Variants in SGCD observed in about 807,000 individuals in gnomAD.
SGCD encodes delta-sarcoglycan.
Under a neutral mutation model 36.6 loss-of-function variants are expected in SGCD, and 18 were observed. The ratio of observed to expected loss-of-function variants is 0.49; its 90% CI spans 0.34 to 0.73. The LOEUF (loss-of-function observed/expected upper bound fraction) is 0.73. Among genes scored for constraint, SGCD ranks in the 30% least tolerant of loss-of-function variants. The pLI, the probability that SGCD is intolerant of heterozygous loss-of-function variation, is 0.01. For synonymous variants in SGCD, 133 were observed against 130.6 expected (o/e 1.02, Z -0.12); for missense variants, 387 against 346.7 (o/e 1.12, Z -0.92).
chr5:156,150,345 A>G (rs1005984655), intron 3 of SGCD, among the ~76,000 whole-genome samples: 4 of 151,594 alleles, frequency 2.6e-5, no homozygotes, highest in Non-Finnish European at 5.9e-5. Context: ...GTTTTAACAG[A>G]CCTTCATTAA....
At position 156,764,153 on chromosome 5, in the gene SGCD, T is replaced by C. The variant is rs1380249653; in HGVS notation, c.*4763T>C. On this transcript the variant is annotated 3_prime_UTR_variant, in exon 9 of 9. Coordinates refer to ENST00000337851, the MANE Select transcript of SGCD (RefSeq NM_000337.6). The stretch of plus-strand genomic sequence containing the variant: ...AGCAGGTTGGGAAAAAGTTATAATA[T>C]AAGAAACAACCTTCGAAAACAGGCC... 1 of 152,458 alleles carries C rather than the reference T, an allele frequency of 6.6e-6. No individual in the cohort carries two copies. The allele number at this position is 152,458 out of a possible 1,614,324, so 9.4% of individuals were successfully genotyped here. A position where few individuals can be genotyped will look rare whatever the true frequency, so the allele number is the denominator to read the frequency against.
At chr5:156,726,315 C>T (rs746895333) in intron 7 of SGCD, among the ~76,000 whole-genome samples, 1 of 152,114 alleles carries the variant, frequency 6.6e-6, no homozygotes, top group Non-Finnish European at 1.5e-5. Flanking sequence ...AAAACCTAAC[C>T]CCTTAGCTTC....
At chr5:156,302,134 A>G (rs868666114) in intron 3 of SGCD, among the ~76,000 whole-genome samples, 1 of 152,116 alleles carries the variant, frequency 6.6e-6, no homozygotes, top group African/African-American at 2.4e-5. Context: ...TGTAAGGCCA[A>G]TAACTCTTAG....
intron 6 of SGCD, among the ~76,000 whole-genome samples, chr5:156,641,248 T>C (rs1283425559): frequency 6.6e-6 from 1 of 152,218 alleles, no homozygotes; most frequent in African/African-American, 2.4e-5. Flanking sequence ...AGAAGACTGG[T>C]TTGTAGGAAA....
At position 156,566,895 on chromosome 5, in the gene SGCD, C is replaced by T. The variant is rs538083755; in HGVS notation, c.295-22336C>T. Among the ~76,000 whole-genome samples the T allele has an allele frequency of 2.0e-5, 3 of 152,182 alleles. No individual in the cohort carries two copies. In the East Asian group the frequency reaches 5.8e-4, roughly 29 times the overall value. ...TGACCTTCTCGTACATAATGCCAAG[C>T]ATTATGATACCTGAAACCATCTTAC... On this transcript the variant is annotated intron_variant, in intron 4 of 8. Coordinates refer to ENST00000337851, the MANE Select transcript of SGCD (RefSeq NM_000337.6).
At chr5:156,320,808 C>A (rs769539610) in intron 3 of SGCD, among the ~76,000 whole-genome samples, 1 of 152,172 alleles carries the variant, frequency 6.6e-6, no homozygotes, top group Non-Finnish European at 1.5e-5. Flanking sequence ...AGCCAAACTT[C>A]CTGGTCCAGA....
At chr5:156,721,161 T>A (rs911338340) in intron 7 of SGCD, among the ~76,000 whole-genome samples, 1 of 152,038 alleles carries the variant, frequency 6.6e-6, no homozygotes, top group African/African-American at 2.4e-5. Flanking sequence ...ATCAGAAGTT[T>A]AGTGTACATG....
intron 7 of SGCD, among the ~76,000 whole-genome samples, chr5:156,709,118 G>A (rs1660464632): frequency 6.6e-6 from 1 of 152,100 alleles, no homozygotes; most frequent in South Asian, 2.1e-4. Flanking sequence ...TGCTTTCTGT[G>A]TCTGATGTTT....
intron 8 of SGCD, chr5:156,757,950 A>G: frequency 1.6e-6 from 2 of 1,265,012 alleles, no homozygotes; most frequent in Non-Finnish European, 2.0e-6. Flanking sequence ...GAATTATATG[A>G]CCATGAAAAT....
chr5:156,729,875 T>G (rs982206219), intron 7 of SGCD, among the ~76,000 whole-genome samples: 1 of 152,168 alleles, frequency 6.6e-6, no homozygotes, highest in Non-Finnish European at 1.5e-5. Flanking sequence ...TTAAAGCCAT[T>G]CCATTTAGTT....
chr5:156,605,207 C>A (rs188436779), intron 6 of SGCD, among the ~76,000 whole-genome samples: 3 of 152,140 alleles, frequency 2.0e-5, no homozygotes, highest in Non-Finnish European at 2.9e-5. Context: ...CCTCTCCCCC[C>A]ACCCAACAAC....
intron 3 of SGCD, among the ~76,000 whole-genome samples, chr5:156,274,582 G>T (rs1374595798): frequency 6.6e-6 from 1 of 152,084 alleles, no homozygotes; most frequent in Non-Finnish European, 1.5e-5. Context: ...AGCCTCTAAT[G>T]TGGCTCCAGA....
chr5:156,313,412 T>G (rs1767441253), intron 3 of SGCD, among the ~76,000 whole-genome samples: 1 of 152,064 alleles, frequency 6.6e-6, no homozygotes, highest in Non-Finnish European at 1.5e-5. Context: ...TCAACATCAT[T>G]TTTTGATTTT....
rs947036183 is a variant in SGCD at position 156,051,437 on chromosome 5, G to C, written c.-281-66441G>C. Among the ~76,000 whole-genome samples the C allele has an allele frequency of 1.6e-4, 24 of 146,192 alleles. 3 individuals carry two copies. Among genetic ancestry groups the C allele is most frequent in the Admixed American group, 4.8e-4 (7 of 14,646 alleles). On this transcript the variant is annotated intron_variant, in intron 1 of 9. Coordinates refer to the SGCD transcript ENST00000517913. ...TATTTGACCACATGGAGAGAGATGG[G>C]AGCTGTCTGCTTTTTGGCAAACTGA...
chr5:155,785,799 A>G, the SGCD span, among the ~76,000 whole-genome samples: 1 of 152,216 alleles, frequency 6.6e-6, no homozygotes, highest in African/African-American at 2.4e-5. Context: ...ATATTTATAT[A>G]TAAAGAGCAA....
intron 7 of SGCD, among the ~76,000 whole-genome samples, chr5:156,657,403 C>A (rs1431620267): frequency 8.0e-5 from 11 of 138,084 alleles, no homozygotes; most frequent in African/African-American, 2.9e-4. Context: ...CCCCTCCCCC[C>A]ACCCCACAGT....
chr5:156,601,942 A>G (rs577265646), intron 6 of SGCD, among the ~76,000 whole-genome samples: 28 of 152,250 alleles, frequency 1.8e-4, no homozygotes, highest in Non-Finnish European at 3.2e-4. Context: ...TGGCCTCCCA[A>G]AGTGCTGGGA....
At chr5:155,971,352 T>C (rs149623658) in intron 1 of SGCD, among the ~76,000 whole-genome samples, 1,573 of 152,246 alleles carry the variant, frequency 0.01, 24 homozygotes, top group African/African-American at 0.035. Context: ...TCATTGTCTT[T>C]TGCAGAATCC....
chr5:156,551,451 G>T (rs1409183694), intron 4 of SGCD, among the ~76,000 whole-genome samples: 1 of 152,070 alleles, frequency 6.6e-6, no homozygotes, highest in Non-Finnish European at 1.5e-5. Context: ...TCACGATCCA[G>T]TACATTATTC....
Sources: gnomAD v4.1 joint callset for allele counts (sites outside exome capture counted in the v4.1 genomes callset) on GRCh38, gnomAD v4.1.1 for gene constraint, MANE v1.5 for transcripts, NCBI Gene and HGNC (gene_info 2026-07-23, HGNC 2026-07-21) for gene names.